The following DLGAP2 variants were observed in gnomAD, a reference collection of about 807,000 sequenced individuals.
The protein encoded by DLGAP2 is disks large-associated protein 2.
DLGAP2 carries 26 observed loss-of-function variants against 100.3 expected under a neutral mutation model. The observed-to-expected ratio is 0.26, with a 90% CI of 0.19 to 0.36. The LOEUF (loss-of-function observed/expected upper bound fraction) is 0.36, where lower values mean the gene tolerates loss of function less well. DLGAP2 is among the 10% of genes least tolerant of loss of function. DLGAP2 has a pLI of 1.00. For missense variants in DLGAP2, 1,858 were observed against 1,453.2 expected (o/e 1.28, Z -4.53); for synonymous variants, 886 against 630.1 (o/e 1.41, Z -6.08).
chr8:1,459,684 C>CTTTTTTTTTTTTT (rs3052056), intron 3 of DLGAP2, among the ~76,000 whole-genome samples: 2 of 120,826 alleles, frequency 1.7e-5, no homozygotes, highest in African/African-American at 6.4e-5. Flanking sequence ...CTGTTGTTTT[C>CTTTTTTTTTTTTT]TTTTTTTTTT....
At chr8:1,135,570 G>A (rs577817058) in intron 2 of DLGAP2, among the ~76,000 whole-genome samples, 11 of 129,848 alleles carry the variant, frequency 8.5e-5, no homozygotes, top group South Asian at 5.1e-4. Flanking sequence ...AGGGGCATGC[G>A]GTCTTTCAGG....
chr8:1,464,287 G>GCA (rs1798551771), intron 3 of DLGAP2, among the ~76,000 whole-genome samples: 1 of 29,790 alleles, frequency 3.4e-5, no homozygotes. Flanking sequence ...CCAGGACAAC[G>GCA]CCCTTCCAGG....
intron 7 of DLGAP2, among the ~76,000 whole-genome samples, chr8:1,628,746 C>T (rs1277001180): frequency 6.6e-6 from 1 of 151,212 alleles, no homozygotes; most frequent in Non-Finnish European, 1.5e-5. Context: ...ACCTCACATT[C>T]TCTCTGACTT....
In DLGAP2 at chr8:1,707,325, G is replaced by T. The variant is rs1028964007; in HGVS notation, c.*5919G>T. 2.0e-5 allele frequency: 3 copies of T among 152,234 alleles called. No homozygotes were observed. The highest frequency in any genetic ancestry group is 4.8e-5 in the African/African-American group (2 of 41,426). 9.4% of individuals were successfully genotyped at this position (152,234 alleles called of 1,614,324 possible). A position where few individuals can be genotyped will look rare whatever the true frequency, so the allele number is the denominator to read the frequency against. ...AGACCATGGTCTCCCTAGAGAGTGT[G>T]TTGGCTTGTGTCTGCCAGTACGACA... On this transcript the variant is annotated 3_prime_UTR_variant, in exon 15 of 15. Transcript: ENST00000637795.
At chr8:1,162,918 G>A (rs1012055209) in intron 2 of DLGAP2, among the ~76,000 whole-genome samples, 1 of 152,208 alleles carries the variant, frequency 6.6e-6, no homozygotes, top group Non-Finnish European at 1.5e-5. Context: ...CTTGTCCTCC[G>A]TTTGCTCAGC....
At chr8:1,537,658 G>A (rs565654500) in intron 4 of DLGAP2, among the ~76,000 whole-genome samples, 4 of 152,034 alleles carry the variant, frequency 2.6e-5, no homozygotes, top group South Asian at 4.2e-4. Context: ...CCTGGAACTC[G>A]TGATGCCTGT....
chr8:1,532,559 C>A (rs1240158247), intron 4 of DLGAP2, among the ~76,000 whole-genome samples: 1 of 152,102 alleles, frequency 6.6e-6, no homozygotes, highest in Non-Finnish European at 1.5e-5. Context: ...CAATTTATTT[C>A]TCAGAAGGTC....
At chr8:1,432,010 G>A (rs1388765882) in intron 3 of DLGAP2, among the ~76,000 whole-genome samples, 2 of 148,294 alleles carry the variant, frequency 1.3e-5, no homozygotes, top group African/African-American at 2.5e-5. Context: ...AGCACCCCAT[G>A]CCAGCCAGCA....
chr8:996,858 C>G (rs1258943472), intron 2 of DLGAP2, among the ~76,000 whole-genome samples: 1 of 152,036 alleles, frequency 6.6e-6, no homozygotes. Context: ...GAGAAAGCCC[C>G]CAAGAACTTA....
chr8:1,264,247 C>T (rs4131124), intron 3 of DLGAP2, among the ~76,000 whole-genome samples: 32,155 of 152,028 alleles, frequency 0.21, 3,569 homozygotes, highest in Admixed American at 0.26. Context: ...CAGCTGCAGT[C>T]GCTCCTGAGA....
intron 2 of DLGAP2, among the ~76,000 whole-genome samples, chr8:1,237,118 C>T (rs1370878248): frequency 2.0e-4 from 5 of 25,402 alleles, no homozygotes; most frequent in Non-Finnish European, 3.2e-4. Flanking sequence ...GTGCCTAGTT[C>T]TGTCTCACAT....
At chr8:1,455,710 T>C (rs1798293696) in intron 3 of DLGAP2, among the ~76,000 whole-genome samples, 1 of 152,096 alleles carries the variant, frequency 6.6e-6, no homozygotes, top group Non-Finnish European at 1.5e-5. Context: ...CGCCCCCCAT[T>C]TATATATTAA....
At chr8:1,146,050 C>A (rs901279741) in intron 2 of DLGAP2, among the ~76,000 whole-genome samples, 2 of 152,094 alleles carry the variant, frequency 1.3e-5, no homozygotes, top group Admixed American at 6.5e-5. Context: ...GCAGAGCATG[C>A]CTGTCCCCTC....
chr8:1,061,216 C>T (rs770309006), intron 2 of DLGAP2, among the ~76,000 whole-genome samples: 2 of 152,140 alleles, frequency 1.3e-5, no homozygotes, highest in Non-Finnish European at 2.9e-5. Context: ...GCCCATCCCT[C>T]GTGAACTCTT....
chr8:1,284,701 A>C (rs1043206587), intron 3 of DLGAP2, among the ~76,000 whole-genome samples: 1 of 152,170 alleles, frequency 6.6e-6, no homozygotes, highest in Non-Finnish European at 1.5e-5. Flanking sequence ...AGCTCAGTGC[A>C]GCCTCAGCTG....
intron 2 of DLGAP2, among the ~76,000 whole-genome samples, chr8:1,061,602 A>G (rs1456083430): frequency 6.6e-6 from 1 of 152,064 alleles, no homozygotes; most frequent in East Asian, 1.9e-4. Flanking sequence ...TCCCAAGAGC[A>G]GCAGCAGCAG....
chr8:1,526,390 A>T (rs1800793793), intron 4 of DLGAP2, among the ~76,000 whole-genome samples: 1 of 151,884 alleles, frequency 6.6e-6, no homozygotes, highest in Non-Finnish European at 1.5e-5. Flanking sequence ...AGAGGGTGGG[A>T]ATGCATGTGG....
chr8:1,623,353 T>TGTGCGTGATGACCTGGAACCA (rs925524767), intron 6 of DLGAP2, among the ~76,000 whole-genome samples: 1 of 151,502 alleles, frequency 6.6e-6, no homozygotes, highest in East Asian at 1.9e-4. Context: ...TGTGAAGACC[T>TGTGCGTGATGACCTGGAACCA]GTGCGTGATG....
At chr8:1,379,281 T>C (rs1796035750) in intron 3 of DLGAP2, among the ~76,000 whole-genome samples, 1 of 152,224 alleles carries the variant, frequency 6.6e-6, no homozygotes, top group Non-Finnish European at 1.5e-5. Flanking sequence ...GAGGGCCACA[T>C]CTTCGCTAAG....
Sources: gnomAD v4.1 joint callset for allele counts (sites outside exome capture counted in the v4.1 genomes callset) on GRCh38, gnomAD v4.1.1 for gene constraint, MANE v1.5 for transcripts, NCBI Gene and HGNC (gene_info 2026-07-23, HGNC 2026-07-21) for gene names.